Variants in NHERF1 observed in about 807,000 individuals in gnomAD.
NHERF1 encodes the protein Na(+)/H(+) exchange regulatory cofactor NHE-RF1.
chr17:74,749,425 C>A, the NHERF1 span: 1 of 833,064 alleles, frequency 1.2e-6, no homozygotes, highest in South Asian at 1.8e-5. This position sits in a 1 kb window ranked among gnomAD's most constrained non-coding sequence, Gnocchi z 5.6. Flanking sequence ...CCGCTTCCGC[C>A]CGCCGACCAG....
the NHERF1 span, among the ~76,000 whole-genome samples, chr17:74,752,990 C>T: frequency 6.6e-6 from 1 of 152,206 alleles, no homozygotes; most frequent in East Asian, 1.9e-4. Flanking sequence ...CAGCTCATCC[C>T]GCCCCGCCCA....
the NHERF1 span, chr17:74,766,931 C>T: frequency 6.2e-7 from 1 of 1,614,066 alleles, no homozygotes; most frequent in Admixed American, 1.7e-5. Context: ...CTGTCCTTTG[C>T]CTAGGTCCCC....
At chr17:74,753,780 A>G in the NHERF1 span, among the ~76,000 whole-genome samples, 5 of 151,888 alleles carry the variant, frequency 3.3e-5, no homozygotes, top group Middle Eastern at 3.2e-3. Context: ...GGAACTCCAT[A>G]TGTCTAGATG....
the NHERF1 span, chr17:74,749,044 C>T: frequency 6.3e-7 from 1 of 1,599,264 alleles, no homozygotes; most frequent in African/African-American, 1.3e-5. The surrounding 1 kb of genome is among the most constrained non-coding windows in gnomAD (Gnocchi z 5.6). Context: ...ACGGCGAAAA[C>T]GTGGAGAAGG....
At chr17:74,761,222 C>T in the NHERF1 span, among the ~76,000 whole-genome samples, 1 of 152,174 alleles carries the variant, frequency 6.6e-6, no homozygotes, top group African/African-American at 2.4e-5. This position sits in a 1 kb window ranked among gnomAD's most constrained non-coding sequence, Gnocchi z 4.3. Context: ...CTCCCTTTAG[C>T]CCAGCCCTGC....
the NHERF1 span, chr17:74,768,520 C>T: frequency 6.2e-7 from 1 of 1,614,122 alleles, no homozygotes; most frequent in East Asian, 2.2e-5. Context: ...CCCTCGTCTA[C>T]CTCCTCCTCC....
chr17:74,751,622 C>G, the NHERF1 span, among the ~76,000 whole-genome samples: 35 of 152,316 alleles, frequency 2.3e-4, 1 homozygote, highest in Non-Finnish European at 2.1e-4. The surrounding 1 kb of genome is among the most constrained non-coding windows in gnomAD (Gnocchi z 4.3). Flanking sequence ...GGAAGTGGCT[C>G]TCCAGCTCTG....
chr17:74,764,319 A>G, the NHERF1 span, among the ~76,000 whole-genome samples: 1 of 152,194 alleles, frequency 6.6e-6, no homozygotes, highest in African/African-American at 2.4e-5. The surrounding 1 kb of genome is among the most constrained non-coding windows in gnomAD (Gnocchi z 4.9). Context: ...TGCGACTCCC[A>G]TCGCCAGCTG....
the NHERF1 span, among the ~76,000 whole-genome samples, chr17:74,762,747 A>T: frequency 6.6e-6 from 1 of 152,102 alleles, no homozygotes; most frequent in Non-Finnish European, 1.5e-5. The surrounding 1 kb of genome is among the most constrained non-coding windows in gnomAD (Gnocchi z 4.2). Flanking sequence ...TAGTAGAGAC[A>T]GGATTTCACC....
the NHERF1 span, among the ~76,000 whole-genome samples, chr17:74,758,657 G>C: frequency 6.6e-6 from 1 of 152,116 alleles, no homozygotes; most frequent in African/African-American, 2.4e-5. The surrounding 1 kb of genome is among the most constrained non-coding windows in gnomAD (Gnocchi z 4.3). Flanking sequence ...ACCATGCTTC[G>C]GACCCCTCTG....
At chr17:74,750,956 A>G in the NHERF1 span, among the ~76,000 whole-genome samples, 1 of 152,004 alleles carries the variant, frequency 6.6e-6, no homozygotes, top group Non-Finnish European at 1.5e-5. Context: ...TTGGAGGGAC[A>G]CCTACATTTG....
At chr17:74,768,751 A>G in the NHERF1 span, 2 of 1,045,964 alleles carry the variant, frequency 1.9e-6, no homozygotes, top group Non-Finnish European at 2.9e-6. Context: ...TCAATGTACA[A>G]ATCAGCACCC....
the NHERF1 span, among the ~76,000 whole-genome samples, chr17:74,756,403 G>A: frequency 6.7e-6 from 1 of 149,032 alleles, no homozygotes; most frequent in Non-Finnish European, 1.5e-5. Context: ...CTCAGCCTCT[G>A]GAGTAGCTGG....
At chr17:74,757,705 C>T in the NHERF1 span, among the ~76,000 whole-genome samples, 1 of 152,180 alleles carries the variant, frequency 6.6e-6, no homozygotes, top group Non-Finnish European at 1.5e-5. Context: ...TCTCCCAGAG[C>T]AAATATGGCT....
At chr17:74,763,699 G>A in the NHERF1 span, among the ~76,000 whole-genome samples, 1 of 152,234 alleles carries the variant, frequency 6.6e-6, no homozygotes, top group East Asian at 1.9e-4. Context: ...GGGGCCTAGT[G>A]TAGGGAGTGG....
chr17:74,753,496 G>A, the NHERF1 span, among the ~76,000 whole-genome samples: 1 of 152,192 alleles, frequency 6.6e-6, no homozygotes, highest in Non-Finnish European at 1.5e-5. Context: ...TTGTGTGTTG[G>A]GATCTCTTTC....
At chr17:74,754,138 C>T in the NHERF1 span, among the ~76,000 whole-genome samples, 16 of 151,622 alleles carry the variant, frequency 1.1e-4, no homozygotes, top group East Asian at 2.7e-3. Flanking sequence ...CACTCCAGCC[C>T]GAGCAGCAGA....
the NHERF1 span, among the ~76,000 whole-genome samples, chr17:74,753,930 CAGTTGAGGTCAGG>C: frequency 3.4e-4 from 51 of 152,060 alleles, no homozygotes; most frequent in Admixed American, 1.8e-3. Flanking sequence ...GCGGGTGGAT[CAGTTGAGGTCAGG>C]AGTTGAGGTC....
At chr17:74,765,550 G>A in the NHERF1 span, among the ~76,000 whole-genome samples, 2 of 145,856 alleles carry the variant, frequency 1.4e-5, no homozygotes, top group African/African-American at 2.5e-5. Flanking sequence ...GAGCCACCGC[G>A]CCTGGCCTTT....
Sources: gnomAD v4.1 joint callset for allele counts (sites outside exome capture counted in the v4.1 genomes callset) on GRCh38, gnomAD v4.1.1 for gene constraint, Gnocchi (gnomAD v3.1) non-coding constraint, MANE v1.5 for transcripts, NCBI Gene and HGNC (gene_info 2026-07-23, HGNC 2026-07-21) for gene names.